EML6: variants seen among roughly 807,000 people sequenced by gnomAD.
The protein encoded by EML6 is EMAP like 6.
A neutral mutation model predicts 240.1 loss-of-function variants in EML6; 154 were observed. The observed-to-expected ratio is 0.64, with a 90% confidence interval of 0.56 to 0.73. The LOEUF (loss-of-function observed/expected upper bound fraction) is 0.73, where lower values mean the gene tolerates loss of function less well. EML6 is among the 30% of genes least tolerant of loss of function. EML6 has a pLI of 0.00. For synonymous variants in EML6, 1,148 were observed against 899.0 expected, an observed-to-expected ratio of 1.28 and a Z score of -4.95; for missense variants, 2,964 against 2,474.6, an observed-to-expected ratio of 1.20 and a Z score of -4.20.
At chr2:54,968,949 C>G (rs1436224800) in intron 41 of EML6, among the ~76,000 whole-genome samples, 181 bp downstream of exon 41, 1 of 152,130 alleles carries the variant, frequency 6.6e-6, no homozygotes, top group Non-Finnish European at 1.5e-5. Flanking sequence ...GGCATTTACT[C>G]TTTGGTGACT....
chr2:54,815,219 T>A (rs978882628), intron 3 of EML6, among the ~76,000 whole-genome samples: 4 of 152,170 alleles, frequency 2.6e-5, no homozygotes, highest in Admixed American at 2.6e-4. Flanking sequence ...TAGGTTTCAT[T>A]TTGAAGGATG....
intron 2 of EML6, among the ~76,000 whole-genome samples, chr2:54,745,691 G>A (rs1018409338): frequency 2.6e-5 from 4 of 152,136 alleles, no homozygotes; most frequent in Non-Finnish European, 5.9e-5. Context: ...TGAGGAGAGA[G>A]TATTGCTTGA....
At chr2:54,848,309 A>G (rs1471837348) in intron 9 of EML6, among the ~76,000 whole-genome samples, 1 of 152,236 alleles carries the variant, frequency 6.6e-6, no homozygotes, top group African/African-American at 2.4e-5. Flanking sequence ...AAATGCAGCT[A>G]TAAAGTAAAT....
chr2:54,849,589 C>G (rs191036099), intron 9 of EML6, among the ~76,000 whole-genome samples: 166 of 152,290 alleles, frequency 1.1e-3, no homozygotes, highest in Non-Finnish European at 1.7e-3. Context: ...CCCAGGTTCA[C>G]GCCATTCTCC....
At chr2:54,847,447 G>GTTGGT in intron 8 of EML6, 39 bp from the exon 9 acceptor site, 1 of 1,542,056 alleles carries the variant, frequency 6.5e-7, no homozygotes, top group Non-Finnish European at 8.8e-7. Flanking sequence ...ACCATGGGAA[G>GTTGGT]TTGGTTTTGT....
chr2:54,754,033 G>A (rs577688966), intron 2 of EML6, among the ~76,000 whole-genome samples: 1 of 151,916 alleles, frequency 6.6e-6, no homozygotes, highest in Admixed American at 6.5e-5. Flanking sequence ...TACTCGGGAG[G>A]CTGAGGCAGG....
chr2:54,847,698 A>AT (rs1169633838), intron 9 of EML6, 75 bp downstream of exon 9: 3 of 1,469,550 alleles, frequency 2.0e-6, no homozygotes, highest in Non-Finnish European at 2.8e-6. Flanking sequence ...GTCATAATAC[A>AT]TGCTAGGACC....
chr2:54,834,472 C>G (rs1030783020), intron 7 of EML6, among the ~76,000 whole-genome samples: 1 of 152,212 alleles, frequency 6.6e-6, no homozygotes, highest in Non-Finnish European at 1.5e-5. Flanking sequence ...ATTATTCACA[C>G]AGTATAAGAT....
intron 4 of EML6, among the ~76,000 whole-genome samples, chr2:54,818,405 GCCAGCTTCAGCC>G (rs1668175162): frequency 6.6e-6 from 1 of 152,206 alleles, no homozygotes; most frequent in Admixed American, 6.5e-5. Flanking sequence ...CTGAGTGGCA[GCCAGCTTCAGCC>G]AATGGCAGGC....
chr2:54,845,444 T>A lies in EML6; in HGVS notation c.1049+1196T>A, dbSNP rs1407976343. 2.0e-5 allele frequency among the ~76,000 whole-genome samples: 3 copies of A among 152,346 alleles called. No homozygotes were observed. In the East Asian group the frequency reaches 5.8e-4, roughly 29 times the overall value. ...TTGTTAAGTCTCAGAATTGCAAACA[T>A]CCTTGAGGAGCCCTGACTGCCAGAA... On this transcript the variant is annotated intron_variant, in intron 8 of 41. Transcript: ENST00000356458.
At chr2:54,861,331 C>T (rs1558623856) in intron 12 of EML6, among the ~76,000 whole-genome samples, 1 of 152,282 alleles carries the variant, frequency 6.6e-6, no homozygotes, top group Non-Finnish European at 1.5e-5. Flanking sequence ...CTTCGCATTC[C>T]TGAGTGGACT....
intron 33 of EML6, 141 bp from the exon 34 acceptor site, chr2:54,958,963 G>C: frequency 6.8e-6 from 5 of 739,342 alleles, no homozygotes; most frequent in Non-Finnish European, 1.1e-5. Context: ...TGCAAATTCT[G>C]CTGCTTTCCT....
intron 2 of EML6, among the ~76,000 whole-genome samples, chr2:54,763,724 G>GT (rs1331356509): frequency 6.6e-6 from 1 of 152,152 alleles, no homozygotes; most frequent in African/African-American, 2.4e-5. Flanking sequence ...AGTGGTTAAG[G>GT]TAAAAATTGG....
chr2:54,892,303 A>G (rs1672514463), intron 18 of EML6, 151 bp from the exon 19 acceptor site: 7 of 619,218 alleles, frequency 1.1e-5, no homozygotes, highest in East Asian at 2.7e-5. Context: ...TTCTTAGAAT[A>G]TTTTTGTTCA....
At chr2:54,951,847 A>G (rs113795361) in intron 30 of EML6, among the ~76,000 whole-genome samples, 3,633 of 152,262 alleles carry the variant, frequency 0.024, 64 homozygotes, top group South Asian at 0.04. Flanking sequence ...GACATTGTCT[A>G]TATATTTTCT....
chr2:54,961,184 G>GT lies in EML6; in HGVS notation c.4968+869dup, dbSNP rs575621987. Among the ~76,000 whole-genome samples, 374 of 55,410 alleles carry GT rather than the reference G, an allele frequency of 6.7e-3. 74 individuals are homozygous for GT. The highest frequency in any genetic ancestry group is 0.014 in the Middle Eastern group (1 of 74). The allele number at this position is 55,410 out of a possible 152,430, so 36.4% of individuals were successfully genotyped here. On this transcript the variant is annotated intron_variant, in intron 35 of 41. Coordinates refer to ENST00000356458, the MANE Select transcript of EML6 (RefSeq NM_001039753.4). Reference sequence around the variant, plus strand: ...GGAGCCTGGAAGTTATCAGGAAGTAGTTTTTTTTTTTTTTTTTTTGAGACG... The same window carrying GT: ...GGAGCCTGGAAGTTATCAGGAAGTAGTTTTTTTTTTTTTTTTTTTTGAGACG...
intron 5 of EML6, among the ~76,000 whole-genome samples, chr2:54,827,155 C>T (rs1668636285): frequency 6.6e-6 from 1 of 152,188 alleles, no homozygotes; most frequent in African/African-American, 2.4e-5. Flanking sequence ...AAGTTACAGA[C>T]TATCACAATT....
chr2:54,868,577 T>C (rs1671089776), intron 14 of EML6: 1 of 152,238 alleles, frequency 6.6e-6, no homozygotes, highest in African/African-American at 2.4e-5. Flanking sequence ...GCCAAAAAAG[T>C]CATATTTGAT....
chr2:54,899,902 C>T (rs1188834060), intron 22 of EML6, 120 bp downstream of exon 22: 3 of 989,474 alleles, frequency 3.0e-6, no homozygotes, highest in African/African-American at 1.6e-5. Context: ...ATATGCTGGG[C>T]AATGAGAATT....
Sources: gnomAD v4.1 joint callset for allele counts (sites outside exome capture counted in the v4.1 genomes callset) on GRCh38, gnomAD v4.1.1 for gene constraint, MANE v1.5 for transcripts, NCBI Gene and HGNC (gene_info 2026-07-23, HGNC 2026-07-21) for gene names.